The following WDR37 variants were observed in gnomAD, a reference collection of about 807,000 sequenced individuals.
WDR37 encodes the protein WD repeat domain 37.
WDR37 carries 19 observed loss-of-function variants against 62.9 expected under a neutral mutation model. The ratio of observed to expected loss-of-function variants is 0.30; its 90% CI spans 0.21 to 0.44. The LOEUF (loss-of-function observed/expected upper bound fraction) is 0.44, where lower values mean the gene tolerates loss of function less well. Among genes scored for constraint, WDR37 ranks in the 20% least tolerant of loss-of-function variants. The pLI, the probability that WDR37 is intolerant of heterozygous loss-of-function variation, is 1.00. For synonymous variants in WDR37, 250 were observed against 260.9 expected, an observed-to-expected ratio of 0.96 and a Z score of 0.40; for missense variants, 474 against 657.6, an observed-to-expected ratio of 0.72 and a Z score of 3.05.
At chr10:1,092,157 G>T in intron 7 of WDR37, among the ~76,000 whole-genome samples, 1 of 138,500 alleles carries the variant, frequency 7.2e-6, no homozygotes, top group South Asian at 2.4e-4. Flanking sequence ...TCCAACCTGG[G>T]AGACACAGCG....
chr10:1,063,704 T>C (rs1386612039), intron 1 of WDR37, among the ~76,000 whole-genome samples: 2 of 152,034 alleles, frequency 1.3e-5, no homozygotes, highest in African/African-American at 4.8e-5. Context: ...CACCCCCCTG[T>C]GGTGTGGGGG....
At chr10:1,067,215 G>T (rs190165638) in intron 1 of WDR37, among the ~76,000 whole-genome samples, 38 of 152,240 alleles carry the variant, frequency 2.5e-4, no homozygotes, top group Non-Finnish European at 4.6e-4. Context: ...AACAAATGAG[G>T]CTGGGATAAT....
At chr10:1,073,310 A>T (rs1358039730) in intron 2 of WDR37, among the ~76,000 whole-genome samples, 1 of 152,190 alleles carries the variant, frequency 6.6e-6, no homozygotes, top group African/African-American at 2.4e-5. Flanking sequence ...TAAACCTGAG[A>T]AATTGGCTTC....
At chr10:1,069,424 T>C (rs1158673045) in intron 1 of WDR37, among the ~76,000 whole-genome samples, 1 of 141,992 alleles carries the variant, frequency 7.0e-6, no homozygotes, top group African/African-American at 2.6e-5. Context: ...GGTGAATGGT[T>C]AAACAAATGG....
chr10:1,092,872 CA>C (rs56220560), intron 7 of WDR37, among the ~76,000 whole-genome samples: 9,688 of 41,620 alleles, frequency 0.23, 197 homozygotes, highest in East Asian at 0.3. Flanking sequence ...CCCTATCTCA[CA>C]AAAAAAAAAA....
intron 11 of WDR37, among the ~76,000 whole-genome samples, chr10:1,119,641 T>G (rs565659731): frequency 3.1e-4 from 47 of 152,350 alleles, no homozygotes; most frequent in African/African-American, 1.1e-3. Context: ...AGGGTGCTGT[T>G]GTGCGCCTAA....
intron 13 of WDR37, among the ~76,000 whole-genome samples, chr10:1,126,410 A>C (rs1564197434): frequency 6.6e-6 from 1 of 151,422 alleles, no homozygotes; most frequent in Non-Finnish European, 1.5e-5. Flanking sequence ...TGTCTCAGAA[A>C]AAAAAAAAAG....
chr10:1,084,678 T>C (rs768234004), intron 6 of WDR37, 140 bp downstream of exon 6: 3 of 1,254,364 alleles, frequency 2.4e-6, no homozygotes, highest in Non-Finnish European at 3.3e-6. Context: ...CCCCACACAT[T>C]AACCCTTGGT....
At chr10:1,069,843 G>A (rs1833675430) in intron 1 of WDR37, among the ~76,000 whole-genome samples, 2 of 152,176 alleles carry the variant, frequency 1.3e-5, no homozygotes, top group African/African-American at 4.8e-5. Flanking sequence ...CTGTAATGAT[G>A]TAAGATGTAA....
At chr10:1,066,179 G>A (rs1036377247) in intron 1 of WDR37, among the ~76,000 whole-genome samples, 9 of 152,022 alleles carry the variant, frequency 5.9e-5, no homozygotes, top group Non-Finnish European at 8.8e-5. Context: ...GCAGTGGCGC[G>A]ATCTTGGCTC....
chr10:1,128,962 G>T (rs1377542736), intron 13 of WDR37, among the ~76,000 whole-genome samples: 1 of 151,126 alleles, frequency 6.6e-6, no homozygotes, highest in African/African-American at 2.4e-5. Flanking sequence ...GGCGGTGGTT[G>T]GTGCTCGGCA....
chr10:1,092,144 C>A (rs1447056541), intron 7 of WDR37, among the ~76,000 whole-genome samples: 1 of 141,196 alleles, frequency 7.1e-6, no homozygotes, highest in African/African-American at 2.7e-5. Context: ...CGCGCCACTG[C>A]ACTCCAACCT....
Position 1,131,396 on chromosome 10 carries a change from C to A in WDR37, c.*2052C>A, listed in dbSNP as rs147990304. The A allele has an allele frequency of 1.7e-3, 264 of 152,370 alleles. No homozygotes were observed. Among genetic ancestry groups the A allele is most frequent in the Middle Eastern group, 6.8e-3 (2 of 294 alleles). 9.4% of individuals were successfully genotyped at this position (152,370 alleles called of 1,614,324 possible). Reference sequence around the variant, plus strand: ...TCAAACTTAAGAACCAGATCTCTGCCAGATTAAACATTTTTGAAGCTTTTA... The same window carrying A: ...TCAAACTTAAGAACCAGATCTCTGCAAGATTAAACATTTTTGAAGCTTTTA... On this transcript the variant is annotated 3_prime_UTR_variant, in exon 14 of 14. Transcript: ENST00000263150.
chr10:1,107,047 GT>G (rs1216032586), intron 11 of WDR37, among the ~76,000 whole-genome samples: 1 of 152,226 alleles, frequency 6.6e-6, no homozygotes, highest in Non-Finnish European at 1.5e-5. Context: ...CCGGTGGTCA[GT>G]GGCTGAACGC....
At chr10:1,112,338 G>T (rs959751831) in intron 11 of WDR37, among the ~76,000 whole-genome samples, 1 of 152,202 alleles carries the variant, frequency 6.6e-6, no homozygotes, top group Non-Finnish European at 1.5e-5. Context: ...GAACTTAGTC[G>T]ATAAATCGTG....
chr10:1,093,606 T>C, intron 8 of WDR37, 110 bp downstream of exon 8: 1 of 902,072 alleles, frequency 1.1e-6, no homozygotes, highest in East Asian at 2.6e-5. Flanking sequence ...TGAAAGTTAA[T>C]CTTTAGTAGA....
intron 7 of WDR37, among the ~76,000 whole-genome samples, chr10:1,087,075 C>T (rs1045666329): frequency 5.3e-5 from 8 of 152,244 alleles, no homozygotes; most frequent in African/African-American, 1.4e-4. Context: ...GTCCACAGGG[C>T]CCTGATGAGC....
intron 2 of WDR37, among the ~76,000 whole-genome samples, chr10:1,075,719 C>T (rs1172456488): frequency 6.6e-6 from 1 of 150,610 alleles, no homozygotes; most frequent in Non-Finnish European, 1.5e-5. Flanking sequence ...GGCCACAGGG[C>T]AGGGAAAATA....
At chr10:1,100,615 G>A (rs1296130107) in intron 9 of WDR37, among the ~76,000 whole-genome samples, 1 of 152,218 alleles carries the variant, frequency 6.6e-6, no homozygotes, top group Non-Finnish European at 1.5e-5. Flanking sequence ...CCACAGTGTT[G>A]ATAAGGAAGC....
Sources: allele counts gnomAD v4.1 joint callset (sites outside exome capture counted in the v4.1 genomes callset), GRCh38; gene constraint gnomAD v4.1.1; transcripts MANE v1.5; gene names NCBI Gene and HGNC (gene_info 2026-07-23, HGNC 2026-07-21).